MTARC2: variants seen among roughly 807,000 people sequenced by gnomAD.
MTARC2 encodes mitochondrial amidoxime reducing component 2, also known as MOCO sulphurase C-terminal domain containing 2.
In MTARC2, 27 loss-of-function variants were observed where a neutral mutation model predicts 35.6. The observed-to-expected ratio is 0.76, with a 90% CI of 0.56 to 1.04. MTARC2 has a LOEUF of 1.04. Ranked by LOEUF, MTARC2 falls within the 50% of genes least tolerant of loss-of-function variation. MTARC2 has a pLI of 0.00. For synonymous variants in MTARC2, 158 were observed against 167.1 expected (o/e 0.95, Z 0.42); for missense variants, 412 against 432.5 (o/e 0.95, Z 0.42).
At chr1:220,774,762 A>G (rs142218944) in intron 4 of MTARC2, among the ~76,000 whole-genome samples, 2 of 152,116 alleles carry the variant, frequency 1.3e-5, no homozygotes, top group Non-Finnish European at 2.9e-5. Flanking sequence ...GCGGTCTTAT[A>G]CTTCTGTGGT....
chr1:220,749,240 G>A (rs867084220), intron 1 of MTARC2, among the ~76,000 whole-genome samples: 1 of 152,164 alleles, frequency 6.6e-6, no homozygotes, highest in African/African-American at 2.4e-5. Context: ...GGGGTGCCCT[G>A]GAGGCCTGAT....
rs760465034 is a variant in MTARC2, at chr1:220,763,026, G to A, written c.726G>A (p.Val242=). 28 of 1,614,156 alleles carry A rather than the reference G, an allele frequency of 1.7e-5. No individual in the cohort carries two copies. Among genetic ancestry groups the A allele is most frequent in the Middle Eastern group, 3.3e-4 (2 of 6,062 alleles). The change falls in exon 4 of 8, where the codon GTG becomes GTA. Residue 242 remains valine, a synonymous_variant. Transcript: ENST00000366913. ...KMENFRPNIV[V]TGCDAFEEDT... is the part of the protein sequence containing the mutation. Reference sequence around the variant, plus strand: ...AGAATTTCAGGCCAAATATTGTGGTGACCGGCTGTGATGCTTTTGAGGAGG... The same window carrying A: ...AGAATTTCAGGCCAAATATTGTGGTAACCGGCTGTGATGCTTTTGAGGAGG...
At chr1:220,755,162 G>C (rs1168448003) in intron 2 of MTARC2, 42 bp downstream of exon 2, 1 of 1,547,526 alleles carries the variant, frequency 6.5e-7, no homozygotes. Flanking sequence ...AACAGGCTTG[G>C]TTTCTCTTCA....
In MTARC2 at chr1:220,781,851, GA is replaced by G; in HGVS notation, c.964del (p.Ile322LeufsTer4). Reference protein sequence around the residue: ...SPLFGIYYSVEKIGSLRVGDP... With the variant: ...SPLFGIYYSVXKIGSLRVGDP... The stretch of plus-strand genomic sequence containing the variant: ...ACTTTTTGGGATCTATTATTCAGTG[GA>G]AAAAATTGGAAGCCTGAGAGTTGGT... On this transcript the variant is annotated frameshift_variant, in exon 7 of 8. Transcript: ENST00000366913. LOFTEE classifies it high-confidence loss of function. 6.2e-7 allele frequency: 1 copy of G among 1,614,168 alleles called. No individual in the cohort carries two copies. The highest frequency in any genetic ancestry group is 8.5e-7 in the Non-Finnish European group (1 of 1,180,014).
At chr1:220,753,977 G>A (rs879754363) in intron 1 of MTARC2, among the ~76,000 whole-genome samples, 2 of 152,194 alleles carry the variant, frequency 1.3e-5, no homozygotes, top group African/African-American at 2.4e-5. Context: ...TTGAACCAAG[G>A]AGGTGGAGGT....
At chr1:220,782,004 T>G in intron 7 of MTARC2, 72 bp downstream of exon 7, 2 of 1,298,676 alleles carry the variant, frequency 1.5e-6, no homozygotes, top group East Asian at 4.8e-5. Flanking sequence ...TTAATTTTTT[T>G]TATGTTATGC....
At chr1:220,769,748 C>G (rs1671683301) in intron 4 of MTARC2, among the ~76,000 whole-genome samples, 2 of 151,700 alleles carry the variant, frequency 1.3e-5, no homozygotes, top group Admixed American at 6.6e-5. Flanking sequence ...TCTTCTCTCT[C>G]TCTCTCTTTC....
intron 4 of MTARC2, among the ~76,000 whole-genome samples, chr1:220,776,402 T>C (rs1671915988): frequency 6.6e-6 from 1 of 152,186 alleles, no homozygotes; most frequent in African/African-American, 2.4e-5. Flanking sequence ...GAAATTTTAA[T>C]TTCATGCATT....
Position 220,748,710 on chromosome 1 carries a change from T to G in MTARC2, c.179T>G (p.Leu60Arg). 6.3e-7 allele frequency: 1 copy of G among 1,597,394 alleles called. No individual in the cohort carries two copies. The highest frequency in any genetic ancestry group is 1.7e-5 in the Admixed American group (1 of 58,706). Residue 60 changes from leucine (L) to arginine (R), a missense_variant, in exon 1 of 8, where the codon CTC becomes CGC. Transcript: ENST00000366913. ...CAGCAGGTGGGCACCGTGGCGAAGC[T>G]CTGGATCTACCCGGTGAAATCCTGC... ...RLQQVGTVAKLWIYPVKSCKG... is the reference protein window; with the variant it reads ...RLQQVGTVAKRWIYPVKSCKG...
At chr1:220,756,157 G>A (rs1284684627) in intron 2 of MTARC2, 2 of 152,260 alleles carry the variant, frequency 1.3e-5, no homozygotes, top group Admixed American at 6.5e-5. Context: ...GGGTTGTCAA[G>A]TTCCGTGGTT....
rs1672147372 is a variant in MTARC2, at chr1:220,783,901, T to G, written c.*32-18T>G. The stretch of plus-strand genomic sequence containing the variant: ...GGATAAACAACCAAATAACCAGAGA[T>G]TCTTATTATTTATTCAGGCTTCAGC... On this transcript the variant is annotated intron_variant, in intron 7 of 7. Transcript: ENST00000366913. 1.4e-6 allele frequency: 1 copy of G among 717,340 alleles called. No individual in the cohort carries two copies. The highest frequency in any genetic ancestry group is 2.6e-6 in the Non-Finnish European group (1 of 385,038). The allele number at this position is 717,340 out of a possible 1,614,324, so 44.4% of individuals were successfully genotyped here.
chr1:220,773,344 T>C (rs367723291), intron 4 of MTARC2, among the ~76,000 whole-genome samples: 318 of 152,326 alleles, frequency 2.1e-3, no homozygotes, highest in African/African-American at 7.4e-3. Context: ...GGAGAGGGCA[T>C]GAAAACTCGG....
At chr1:220,764,910 A>G (rs1231102763) in intron 4 of MTARC2, among the ~76,000 whole-genome samples, 2 of 152,180 alleles carry the variant, frequency 1.3e-5, no homozygotes, top group African/African-American at 2.4e-5. Context: ...ATCATCCATT[A>G]TAGGTCAGGC....
At chr1:220,775,557 T>C (rs1351099188) in intron 4 of MTARC2, among the ~76,000 whole-genome samples, 1 of 152,156 alleles carries the variant, frequency 6.6e-6, no homozygotes, top group Non-Finnish European at 1.5e-5. Context: ...GGTGCAGGGG[T>C]ACAGGTGCAG....
intron 2 of MTARC2, among the ~76,000 whole-genome samples, chr1:220,758,275 G>T (rs145234226): frequency 5.3e-5 from 8 of 151,916 alleles, no homozygotes; most frequent in African/African-American, 1.7e-4. Context: ...GAGCCACCAC[G>T]CCCGGCCACT....
At chr1:220,769,934 CAA>C (rs57739324) in intron 4 of MTARC2, among the ~76,000 whole-genome samples, 77 of 63,418 alleles carry the variant, frequency 1.2e-3, no homozygotes, top group African/African-American at 4.0e-3. Context: ...ACTAAAAATA[CAA>C]AAAAAAAAAA....
chr1:220,759,920 G>A (rs1192262391), intron 2 of MTARC2, among the ~76,000 whole-genome samples: 3 of 152,148 alleles, frequency 2.0e-5, no homozygotes. Context: ...GAGTTGCAGG[G>A]TACACAGGGG....
At chr1:220,776,310 G>A (rs559818084) in intron 4 of MTARC2, among the ~76,000 whole-genome samples, 3 of 152,146 alleles carry the variant, frequency 2.0e-5, no homozygotes, top group Non-Finnish European at 4.4e-5. Context: ...CTTGTTGGTC[G>A]CGTGTATGTC....
intron 2 of MTARC2, among the ~76,000 whole-genome samples, chr1:220,757,780 C>A (rs1016841100): frequency 4.6e-5 from 7 of 152,116 alleles, no homozygotes; most frequent in Non-Finnish European, 7.3e-5. Flanking sequence ...AGGGTGTCAA[C>A]AAAGGAATTC....
Sources: gnomAD v4.1 joint callset for allele counts (sites outside exome capture counted in the v4.1 genomes callset) on GRCh38, gnomAD v4.1.1 for gene constraint, MANE v1.5 for transcripts, NCBI Gene and HGNC (gene_info 2026-07-23, HGNC 2026-07-21) for gene names.